TCEAL5: variants seen among roughly 807,000 people sequenced by gnomAD.
TCEAL5 encodes transcription elongation factor A like 5, also known as transcription elongation factor A protein-like 5.
For synonymous variants in TCEAL5, 65 were observed against 61.2 expected (o/e 1.06, Z -0.29); for missense variants, 111 against 158.1 (o/e 0.70, Z 1.60).
chrX:103,274,530 G>T lies in TCEAL5; in HGVS notation c.34C>A (p.Pro12Thr). 8.3e-7 allele frequency: 1 copy of T among 1,201,300 alleles called. No homozygotes were observed. The highest frequency in any genetic ancestry group is 1.1e-6 in the Non-Finnish European group (1 of 892,202). The change falls in exon 3 of 3, where the codon CCA (proline) becomes ACA (threonine). Residue 12 changes from proline (P) to threonine (T), a missense_variant. Transcript: ENST00000372680. ...CTTTCTAGGTTTCTTTCATTCTCTG[G>T]CTTTCCTTCATTTTCTTTGTAGAGC... Reference protein sequence around the residue: ...EKLYKENEGKPENERNLESEG... With the variant: ...EKLYKENEGKTENERNLESEG...
At chrX:103,274,651 A>G in intron 2 of TCEAL5, 61 bp from the exon 3 acceptor site, 2 of 1,062,872 alleles carry the variant, frequency 1.9e-6, no homozygotes, top group South Asian at 5.0e-5. Context: ...ACAGGTCCTT[A>G]TAGTACTTGT....
At position 103,273,791 on chromosome X, in the gene TCEAL5, G is replaced by T; in HGVS notation, c.*152C>A. 2.5e-6 allele frequency: 2 copies of T among 805,563 alleles called. No homozygotes were observed. The highest frequency in any genetic ancestry group is 3.5e-6 in the Non-Finnish European group (2 of 574,730). 66.4% of individuals were successfully genotyped at this position (805,563 alleles called of 1,213,427 possible). A position where few individuals can be genotyped will look rare whatever the true frequency, so the allele number is the denominator to read the frequency against. On this transcript the variant is annotated 3_prime_UTR_variant, in exon 3 of 3. Coordinates refer to ENST00000372680, the MANE Select transcript of TCEAL5 (RefSeq NM_001012979.3). Reference sequence around the variant, plus strand: ...ATCCTCTACTAAAAGACAGAGCACTGTAGTTGGGTCAAAAGTCTGCTGGTA... The same window carrying T: ...ATCCTCTACTAAAAGACAGAGCACTTTAGTTGGGTCAAAAGTCTGCTGGTA...
chrX:103,274,690 T>TA, intron 2 of TCEAL5, 100 bp from the exon 3 acceptor site: 1 of 850,291 alleles, frequency 1.2e-6, no homozygotes, highest in Non-Finnish European at 1.6e-6. Context: ...TTCCTGGCCC[T>TA]ATCCCATCTT....
rs989933718 is a variant in TCEAL5 at position 103,273,952 on chromosome X, T to G, written c.612A>C (p.Pro204=). Residue 204 remains proline, a synonymous_variant, in exon 3 of 3, where the codon CCA becomes CCC. Transcript: ENST00000372680. The part of the protein sequence containing the change: ...GRGQKDLEDV[P]YV ...TTAAAGGCCAAAGACATTAAACATA[T>G]GGGACATCTTCTAAGTCTTTCTGGC... 11 of 1,211,003 alleles carry G rather than the reference T, an allele frequency of 9.1e-6. No homozygotes were observed. Among genetic ancestry groups the G allele is most frequent in the Admixed American group, 2.2e-5 (1 of 46,067 alleles).
Position 103,274,238 on chromosome X carries a change from T to G in TCEAL5, c.326A>C (p.Glu109Ala). ...QPRAAEKRPAEDYVPRKAKRK... is the reference protein window; with the variant it reads ...QPRAAEKRPAADYVPRKAKRK... ...TTTTGCTTTCCGGGGCACATAATCT[T>G]CAGCCGGGCGCTTTTCGGCGGCCCG... The change falls in exon 3 of 3, where the codon GAA (glutamate) becomes GCA (alanine). Residue 109 changes from glutamate (E) to alanine (A), a missense_variant. Physicochemically the swap from Glu to Ala is moderately radical, Grantham distance 107. Transcript: ENST00000372680. 1 of 1,211,488 alleles carries G rather than the reference T, an allele frequency of 8.3e-7. No homozygotes were observed. Among genetic ancestry groups the G allele is most frequent in the African/African-American group, 1.7e-5 (1 of 57,636 alleles).
Position 103,274,324 on chromosome X carries a change from A to T in TCEAL5, c.240T>A (p.Gly80=), listed in dbSNP as rs751819620. ...TGCCCTCACTTTGTGGCTTGTCCTCACCTTCAGACTTGCCCTGCTTTTCCT... is the reference window on the plus strand; with the variant it reads ...TGCCCTCACTTTGTGGCTTGTCCTCTCCTTCAGACTTGCCCTGCTTTTCCT... ...GNQEKQGKSE[G]EDKPQSEGKP... The change falls in exon 3 of 3, where the codon GGT becomes GGA. Residue 80 remains glycine (G), a synonymous_variant. Transcript: ENST00000372680. 2 of 1,208,426 alleles carry T rather than the reference A, an allele frequency of 1.7e-6. No individual in the cohort carries two copies. Among genetic ancestry groups the T allele is most frequent in the Non-Finnish European group, 2.2e-6 (2 of 894,846 alleles).
chrX:103,275,000 C>A (rs1925532795), intron 2 of TCEAL5, among the ~76,000 whole-genome samples: 1 of 111,688 alleles, frequency 9.0e-6, no homozygotes. Context: ...AGAACAGAAC[C>A]ATAGCCAGTT....
intron 1 of TCEAL5, among the ~76,000 whole-genome samples, 197 bp downstream of exon 1, chrX:103,276,476 C>G (rs1421315544): frequency 9.1e-6 from 1 of 110,330 alleles, no homozygotes. Context: ...GACTCTTTCT[C>G]ACATTTCCTT....
chrX:103,275,493 CCTCCGCG>C (rs1192218567), intron 1 of TCEAL5, among the ~76,000 whole-genome samples, 151 bp from the exon 2 acceptor site: 1 of 111,836 alleles, frequency 8.9e-6, no homozygotes, highest in African/African-American at 3.3e-5. Flanking sequence ...TCTGATTCCC[CCTCCGCG>C]CGCAGCTCTT....
At chrX:103,276,295 TC>T (rs1238563254) in intron 1 of TCEAL5, among the ~76,000 whole-genome samples, 2 of 39,870 alleles carry the variant, frequency 5.0e-5, no homozygotes, top group African/African-American at 9.4e-5. Context: ...TCCGCCCCCC[TC>T]CCCCCTCCCC....
At chrX:103,276,593 G>C (rs2147669893) in intron 1 of TCEAL5, 80 bp downstream of exon 1, 1 of 111,201 alleles carries the variant, frequency 9.0e-6, no homozygotes, top group African/African-American at 3.3e-5. Context: ...GAACAGGGCG[G>C]TATCTAGAAA....
chrX:103,275,076 A>G (rs1925534250), intron 2 of TCEAL5, among the ~76,000 whole-genome samples, 199 bp downstream of exon 2: 1 of 111,260 alleles, frequency 9.0e-6, no homozygotes, highest in African/African-American at 3.3e-5. Flanking sequence ...CCATTCTCTT[A>G]CTTTCTTATT....
Position 103,275,108 on chromosome X carries a change from C to T in TCEAL5, c.-28+167G>A, listed in dbSNP as rs546121240. Among the ~76,000 whole-genome samples, 30 of 111,474 alleles carry T rather than the reference C, an allele frequency of 2.7e-4. No individual in the cohort carries two copies. In the South Asian group the frequency reaches 0.011, roughly 43 times the overall value. Reference sequence around the variant, plus strand: ...TATTCTCCCCTCTATCCTCACCAGCCATAGATCACCATATCCCCTTAGGGT... The same window carrying T: ...TATTCTCCCCTCTATCCTCACCAGCTATAGATCACCATATCCCCTTAGGGT... On this transcript the variant is annotated intron_variant, in intron 2 of 2. Coordinates refer to ENST00000372680, the MANE Select transcript of TCEAL5 (RefSeq NM_001012979.3).
chrX:103,276,217 ACCCGGTCG>A (rs1265378708), intron 1 of TCEAL5, among the ~76,000 whole-genome samples: 1 of 109,023 alleles, frequency 9.2e-6, no homozygotes, highest in Admixed American at 9.7e-5. Flanking sequence ...ATCAGACATC[ACCCGGTCG>A]CCGGCTTCCT....
intron 1 of TCEAL5, 78 bp downstream of exon 1, chrX:103,276,595 A>G (rs1017098132): frequency 9.0e-6 from 1 of 111,188 alleles, no homozygotes; most frequent in Non-Finnish European, 1.9e-5. Context: ...ACAGGGCGGT[A>G]TCTAGAAAGC....
chrX:103,274,801 C>A (rs3015331), intron 2 of TCEAL5, among the ~76,000 whole-genome samples: 4,775 of 111,826 alleles, frequency 0.043, 101 homozygotes, highest in Non-Finnish European at 0.062. Context: ...CTTCTCCCTA[C>A]ATTTAAGGAG....
chrX:103,273,726 C>A lies in TCEAL5; in HGVS notation c.*217G>T. On this transcript the variant is annotated 3_prime_UTR_variant, in exon 3 of 3. Coordinates refer to ENST00000372680, the MANE Select transcript of TCEAL5 (RefSeq NM_001012979.3). ...AAAACTCTTTTTTATTGTTATTTTA[C>A]AATGTACCATGAACATTTATTCCAT... is the stretch of plus-strand genomic sequence containing the variant. The A allele has an allele frequency of 2.0e-6, 1 of 492,383 alleles. No homozygotes were observed. Among genetic ancestry groups the A allele is most frequent in the Non-Finnish European group, 3.3e-6 (1 of 306,181 alleles). 40.6% of individuals were successfully genotyped at this position (492,383 alleles called of 1,213,427 possible).
chrX:103,274,382 C>G lies in TCEAL5; in HGVS notation c.182G>C (p.Gly61Ala), dbSNP rs1457381112. 2.5e-6 allele frequency: 3 copies of G among 1,211,340 alleles called. No homozygotes were observed. The highest frequency in any genetic ancestry group is 3.4e-6 in the Non-Finnish European group (3 of 895,454). Reference sequence around the variant, plus strand: ...CTCATCTTCCAGTTGTCCCTCATCACCTGGCTCTCCCTCATCCTCTCGCTT... The same window carrying G: ...CTCATCTTCCAGTTGTCCCTCATCAGCTGGCTCTCCCTCATCCTCTCGCTT... ...EGKREDEGEP[G>A]DEGQLEDEGN... is the part of the protein sequence containing the mutation. The change falls in exon 3 of 3, where the codon GGT becomes GCT. Residue 61 changes from glycine (G) to alanine (A), a missense_variant. Transcript: ENST00000372680.
rs750364875 is a variant in TCEAL5, at chrX:103,273,723, T to A, written c.*220A>T. On this transcript the variant is annotated 3_prime_UTR_variant, in exon 3 of 3. Coordinates refer to ENST00000372680, the MANE Select transcript of TCEAL5 (RefSeq NM_001012979.3). ...CTGAAAACTCTTTTTTATTGTTATT[T>A]TACAATGTACCATGAACATTTATTC... 24 of 490,941 alleles carry A rather than the reference T, an allele frequency of 4.9e-5. No homozygotes were observed. The highest frequency in any genetic ancestry group is 5.8e-4 in the Middle Eastern group (1 of 1,719). 40.5% of individuals were successfully genotyped at this position (490,941 alleles called of 1,213,427 possible).
Sources: allele counts gnomAD v4.1 joint callset (sites outside exome capture counted in the v4.1 genomes callset), GRCh38; gene constraint gnomAD v4.1.1; transcripts MANE v1.5; gene names NCBI Gene and HGNC (gene_info 2026-07-23, HGNC 2026-07-21).